Variants in ETNPPL observed in about 807,000 individuals in gnomAD.
The protein encoded by ETNPPL is ethanolamine-phosphate phospho-lyase.
Under a neutral mutation model 55.5 loss-of-function variants are expected in ETNPPL, and 30 were observed. The ratio of observed to expected loss-of-function variants is 0.54; its 90% confidence interval spans 0.40 to 0.73. The LOEUF (loss-of-function observed/expected upper bound fraction) is 0.73. ETNPPL is among the 30% of genes least tolerant of loss of function. ETNPPL has a pLI of 0.00. For synonymous variants in ETNPPL, 202 were observed against 207.2 expected (o/e 0.98, Z 0.21); for missense variants, 528 against 607.9 (o/e 0.87, Z 1.38).
At chr4:108,743,966 T>A in intron 11 of ETNPPL, 110 bp from the exon 12 acceptor site, 1 of 741,398 alleles carries the variant, frequency 1.3e-6, no homozygotes, top group East Asian at 2.6e-5. Flanking sequence ...GGAAATGTTA[T>A]GTGTTAAAAG....
chr4:108,762,105 T>C (rs936953917), intron 1 of ETNPPL: 4 of 219,886 alleles, frequency 1.8e-5, no homozygotes, highest in Admixed American at 4.7e-5. Context: ...CCTACTTTCA[T>C]AGAAGAGACA....
chr4:108,742,524 G>A lies in ETNPPL; in HGVS notation c.1460C>T (p.Thr487Met), dbSNP rs750908725. The change falls in exon 13 of 13, where the codon ACG becomes ATG. Residue 487 changes from threonine (T) to methionine (M), a missense_variant. Physicochemically the swap from Thr to Met is moderately conservative, Grantham distance 81. Coordinates refer to ENST00000296486, the MANE Select transcript of ETNPPL (RefSeq NM_031279.4). Reference protein sequence around the residue: ...NPSRKRNGMCTDTHSLLSKRL... With the variant: ...NPSRKRNGMCMDTHSLLSKRL... ...CTTACTGAGCAGTGAATGTGTATCC[G>A]TGCACATTCCATTTCTCTTTCTGCT... 8 of 1,613,550 alleles carry A rather than the reference G, an allele frequency of 5.0e-6. No homozygotes were observed. Among genetic ancestry groups the A allele is most frequent in the East Asian group, 2.2e-5 (1 of 44,882 alleles).
chr4:108,745,273 A>G (rs1728415753), intron 11 of ETNPPL, among the ~76,000 whole-genome samples: 1 of 152,208 alleles, frequency 6.6e-6, no homozygotes, highest in African/African-American at 2.4e-5. Flanking sequence ...AATATTTTAA[A>G]TATTTTTAAA....
Position 108,749,443 on chromosome 4 carries a change from C to G in ETNPPL, c.722G>C (p.Gly241Ala). 1 of 1,613,892 alleles carries G rather than the reference C, an allele frequency of 6.2e-7. No individual in the cohort carries two copies. Among genetic ancestry groups the G allele is most frequent in the Non-Finnish European group, 8.5e-7 (1 of 1,179,844 alleles). Residue 241 changes from glycine (G) to alanine (A), a missense_variant, in exon 8 of 13, where the codon GGT (glycine) becomes GCT (alanine). Physicochemically the swap from Gly to Ala is moderately conservative, Grantham distance 60. Coordinates refer to ENST00000296486, the MANE Select transcript of ETNPPL (RefSeq NM_031279.4). ...TTGAACTTCATCAGCTATAAACACA[C>G]CCCCTGCACCGTGTACATATCTGAA... is the stretch of plus-strand genomic sequence containing the variant. ...KVAEYVHGAG[G>A]VFIADEVQVG...
chr4:108,756,227 G>A (rs990189583), intron 4 of ETNPPL, among the ~76,000 whole-genome samples, 191 bp downstream of exon 4: 2 of 152,200 alleles, frequency 1.3e-5, no homozygotes, highest in Admixed American at 6.5e-5. Context: ...CTGGTACTTA[G>A]AAGGAATTAA....
chr4:108,744,111 A>C (rs535073072), intron 11 of ETNPPL, among the ~76,000 whole-genome samples: 2 of 152,094 alleles, frequency 1.3e-5, no homozygotes, highest in Non-Finnish European at 2.9e-5. Flanking sequence ...AAATACAAAA[A>C]TTAGCCGGAT....
intron 12 of ETNPPL, 108 bp downstream of exon 12, chr4:108,743,681 G>T: frequency 1.3e-6 from 1 of 776,648 alleles, no homozygotes; most frequent in Non-Finnish European, 2.3e-6. Flanking sequence ...ATACAGGCTG[G>T]CATTGTTCTA....
intron 5 of ETNPPL, among the ~76,000 whole-genome samples, chr4:108,753,579 A>G (rs984527169): frequency 6.6e-6 from 1 of 151,934 alleles, no homozygotes; most frequent in African/African-American, 2.4e-5. Context: ...CTGTCTCTAC[A>G]AAAAATACAA....
At chr4:108,747,100 T>C (rs1371704585) in intron 9 of ETNPPL, among the ~76,000 whole-genome samples, 1 of 130,022 alleles carries the variant, frequency 7.7e-6, no homozygotes. Context: ...TTTCTCAGGA[T>C]GTTAATGATG....
At chr4:108,746,912 G>C (rs1728535941) in intron 9 of ETNPPL, 61 bp from the exon 10 acceptor site, 1 of 1,083,714 alleles carries the variant, frequency 9.2e-7, no homozygotes, top group African/African-American at 1.6e-5. Flanking sequence ...GTCACAAAAA[G>C]TTAACACTAT....
At chr4:108,748,196 A>ACTCATTCAACTG in intron 8 of ETNPPL, 37 bp from the exon 9 acceptor site, 1 of 1,497,002 alleles carries the variant, frequency 6.7e-7, no homozygotes, top group Non-Finnish European at 9.0e-7. Flanking sequence ...AAAATATACC[A>ACTCATTCAACTG]GTTGAATGAG....
intron 5 of ETNPPL, among the ~76,000 whole-genome samples, chr4:108,753,782 AAGAAAGAAAGAAAGAAAGAAAGAAAAGAG>A (rs1231002631): frequency 7.2e-4 from 85 of 118,604 alleles, no homozygotes; most frequent in African/African-American, 3.5e-3. Flanking sequence ...GAAAGAAAGA[AAGAAAGAAAGAAAGAAAGAAAGAAAAGAG>A]AAGAAAAGAA....
chr4:108,762,525 G>C, intron 1 of ETNPPL: 1 of 671,690 alleles, frequency 1.5e-6, no homozygotes. Flanking sequence ...CCCATCCCTG[G>C]AATGGTGTCT....
chr4:108,760,050 T>A, intron 2 of ETNPPL, 138 bp downstream of exon 2: 1 of 1,102,276 alleles, frequency 9.1e-7, no homozygotes, highest in Admixed American at 2.1e-5. Context: ...TTTGCTGCGA[T>A]TTTCCCCACT....
rs774031661 is a variant in ETNPPL at position 108,746,772 on chromosome 4, T to C, written c.1162A>G (p.Ile388Val). The C allele has an allele frequency of 5.6e-6, 9 of 1,613,766 alleles. No homozygotes were observed. Among genetic ancestry groups the C allele is most frequent in the South Asian group, 2.2e-5 (2 of 91,074 alleles). The change falls in exon 10 of 13, where the codon ATC becomes GTC. Residue 388 changes from isoleucine to valine, a missense_variant. Physicochemically the swap from Ile to Val is conservative, Grantham distance 29 (BLOSUM62 3). Coordinates refer to ENST00000296486, the MANE Select transcript of ETNPPL (RefSeq NM_031279.4). ...RTPATAEAQHIIYKMKEKRVL... is the reference protein window; with the variant it reads ...RTPATAEAQHVIYKMKEKRVL... Reference sequence around the variant, plus strand: ...GTGGGGGTGAATTACTTGTAGATGATGTGCTGAGCTTCAGCTGTGGCAGGG... The same window carrying C: ...GTGGGGGTGAATTACTTGTAGATGACGTGCTGAGCTTCAGCTGTGGCAGGG...
chr4:108,747,168 ATATATATATATAATATATATATATAT>A (rs1728601710), intron 9 of ETNPPL, among the ~76,000 whole-genome samples: 6 of 13,310 alleles, frequency 4.5e-4, no homozygotes, highest in African/African-American at 1.9e-3. Context: ...TATATATTAT[ATATATATATATAATATATATATATAT>A]TATATATATA....
intron 8 of ETNPPL, 63 bp downstream of exon 8, chr4:108,749,175 A>C: frequency 7.4e-7 from 1 of 1,358,606 alleles, no homozygotes; most frequent in South Asian, 1.2e-5. Context: ...CTACATTGGC[A>C]AAAAATATAA....
intron 11 of ETNPPL, among the ~76,000 whole-genome samples, chr4:108,744,935 G>A (rs1728399774): frequency 6.6e-6 from 1 of 151,992 alleles, no homozygotes. Context: ...GTGTTGCCCA[G>A]GCTAGTCTCC....
chr4:108,747,386 G>A (rs935334279), intron 9 of ETNPPL, among the ~76,000 whole-genome samples: 14 of 149,744 alleles, frequency 9.3e-5, no homozygotes, highest in African/African-American at 3.2e-4. Context: ...TTTGGGTGCT[G>A]ACATTATCCT....
Sources: allele counts gnomAD v4.1 joint callset (sites outside exome capture counted in the v4.1 genomes callset), GRCh38; gene constraint gnomAD v4.1.1; transcripts MANE v1.5; gene names NCBI Gene and HGNC (gene_info 2026-07-23, HGNC 2026-07-21).